Variants in CPNE7 observed in about 807,000 individuals in gnomAD.
CPNE7 encodes copine 7.
Under a neutral mutation model 66.5 loss-of-function variants are expected in CPNE7, and 78 were observed. The observed-to-expected ratio is 1.17, with a 90% CI of 0.98 to 1.42. CPNE7 has a LOEUF of 1.42. Among genes scored for constraint, CPNE7 ranks in the 40% most tolerant of loss-of-function variants. CPNE7 has a pLI of 0.00. For missense variants in CPNE7, 1,012 were observed against 776.6 expected (o/e 1.30, Z -3.60); for synonymous variants, 468 against 336.7 (o/e 1.39, Z -4.27).
At position 89,595,363 on chromosome 16, in the gene CPNE7, C is replaced by T; in HGVS notation, c.1303-4C>T. The T allele has an allele frequency of 1.3e-6, 2 of 1,557,888 alleles. No individual in the cohort carries two copies. The highest frequency in any genetic ancestry group is 8.7e-7 in the Non-Finnish European group (1 of 1,146,326). On this transcript the variant is annotated splice_region_variant and splice_polypyrimidine_tract_variant and intron_variant, in intron 13 of 14. Coordinates refer to ENST00000319518, the MANE Select transcript of CPNE7 (RefSeq NM_153636.3). ...TGTTGCTGATGCCTTTCCTGTGCCCCCAGCAATACTACATCCTGCTGATCC... is the reference window on the plus strand; with the variant it reads ...TGTTGCTGATGCCTTTCCTGTGCCCTCAGCAATACTACATCCTGCTGATCC...
chr16:89,589,099 C>G (rs2059131345), intron 10 of CPNE7, among the ~76,000 whole-genome samples: 1 of 152,226 alleles, frequency 6.6e-6, no homozygotes, highest in African/African-American at 2.4e-5. Flanking sequence ...TGAGACCAGC[C>G]TGGCCAACAT....
At position 89,585,460 on chromosome 16, in the gene CPNE7, A is replaced by G. The variant is rs774439934; in HGVS notation, c.592-4A>G. The stretch of plus-strand genomic sequence containing the variant: ...CCCCTGAGCCAGCCCCTCCCGGCCC[A>G]CAGGTGGTGAAGAACAACCTGAACC... On this transcript the variant is annotated splice_polypyrimidine_tract_variant and splice_region_variant and intron_variant, in intron 5 of 14. Transcript: ENST00000319518. The G allele has an allele frequency of 3.7e-6, 6 of 1,609,198 alleles. No individual in the cohort carries two copies. The South Asian group carries it at 4.4e-5, about 12-fold the overall frequency.
In CPNE7 at chr16:89,577,659, C is replaced by T. The variant is rs746189263; in HGVS notation, c.295C>T (p.Pro99Ser). The T allele has an allele frequency of 6.3e-7, 1 of 1,597,212 alleles. No homozygotes were observed. The highest frequency in any genetic ancestry group is 1.3e-5 in the African/African-American group (1 of 74,820). The change falls in exon 2 of 15, where the codon CCC becomes TCC. Residue 99 changes from proline to serine, a missense_variant. Coordinates refer to ENST00000319518, the MANE Select transcript of CPNE7 (RefSeq NM_153636.3). The part of the protein sequence containing the change: ...LRFEVYDTHG[P>S]SGFSCQEDDF... ...CTTTGAGGTGTACGACACGCATGGG[C>T]CCAGCGGCTTCAGCTGTCAGGAGGA...
rs1469839746 is a variant in CPNE7, at chr16:89,588,158, CCGTGTCACCCG to C, written c.928-506_928-496del. ...CGTGTCACCCACAGATACACGGCCC[CCGTGTCACCCG>C]CGTGTCACCCACAGATACACGGCCC... On this transcript the variant is annotated intron_variant, in intron 9 of 14. Transcript: ENST00000319518. Among the ~76,000 whole-genome samples, 186 of 98,416 alleles carry C rather than the reference CCGTGTCACCCG, an allele frequency of 1.9e-3. 14 individuals are homozygous for C. The highest frequency in any genetic ancestry group is 8.3e-3 in the South Asian group (20 of 2,412). The allele number at this position is 98,416 out of a possible 152,430, so 64.6% of individuals were successfully genotyped here.
intron 8 of CPNE7, 58 bp from the exon 9 acceptor site, chr16:89,586,985 G>A: frequency 6.6e-7 from 1 of 1,514,534 alleles, no homozygotes; most frequent in South Asian, 1.2e-5. Context: ...CTGGATCCCA[G>A]CTGGCACTGG....
At chr16:89,587,508 G>GAGGTGA (rs1439285043) in intron 9 of CPNE7, 1 of 451,724 alleles carries the variant, frequency 2.2e-6, no homozygotes, top group Admixed American at 2.4e-5. Context: ...CCCGCCTTGG[G>GAGGTGA]AGGTGACATC....
At chr16:89,589,763 C>G (rs2059141088) in intron 10 of CPNE7, 134 bp from the exon 11 acceptor site, 1 of 875,632 alleles carries the variant, frequency 1.1e-6, no homozygotes, top group Non-Finnish European at 1.8e-6. Flanking sequence ...CCACCTCTGG[C>G]AGGTGCTTAC....
chr16:89,596,734 C>T lies in CPNE7; in HGVS notation c.*113C>T, dbSNP rs1048687411. The T allele has an allele frequency of 8.2e-7, 1 of 1,223,416 alleles. No individual in the cohort carries two copies. The highest frequency in any genetic ancestry group is 1.1e-6 in the Non-Finnish European group (1 of 937,222). 75.8% of individuals were successfully genotyped at this position (1,223,416 alleles called of 1,614,324 possible). On this transcript the variant is annotated 3_prime_UTR_variant, in exon 15 of 15. Transcript: ENST00000319518. The stretch of plus-strand genomic sequence containing the variant: ...CCGACCTCCCAGAAGCCTCCAGTCC[C>T]CACCAGGCCCCACTCCCAGTCCTCC...
At chr16:89,580,500 C>T (rs1489107423) in intron 2 of CPNE7, among the ~76,000 whole-genome samples, 3 of 137,788 alleles carry the variant, frequency 2.2e-5, no homozygotes, top group African/African-American at 5.3e-5. Context: ...CCCGCTGACA[C>T]AGAACATCTC....
Position 89,584,925 on chromosome 16 carries a change from C to A in CPNE7, c.591+68C>A. 7.2e-7 allele frequency: 1 copy of A among 1,387,366 alleles called. No homozygotes were observed. The highest frequency in any genetic ancestry group is 1.2e-5 in the South Asian group (1 of 84,920). 85.9% of individuals were successfully genotyped at this position (1,387,366 alleles called of 1,614,324 possible). On this transcript the variant is annotated intron_variant, in intron 5 of 14. Coordinates refer to ENST00000319518, the MANE Select transcript of CPNE7 (RefSeq NM_153636.3). The surrounding 1 kb of genome is among the most constrained non-coding windows in gnomAD (Gnocchi z 6.0). Reference sequence around the variant, plus strand: ...TCCCCAGCCCTCACGCATCTCTGGCCACATGGGAGGAGCTCCCAGCCTCCA... The same window carrying A: ...TCCCCAGCCCTCACGCATCTCTGGCAACATGGGAGGAGCTCCCAGCCTCCA...
At chr16:89,581,924 CATG>C (rs2058964432) in intron 2 of CPNE7, among the ~76,000 whole-genome samples, 1 of 152,238 alleles carries the variant, frequency 6.6e-6, no homozygotes, top group Non-Finnish European at 1.5e-5. Context: ...GGATTATAGG[CATG>C]AGCCACTGTG....
At chr16:89,594,330 A>T (rs930246316) in intron 13 of CPNE7, among the ~76,000 whole-genome samples, 4 of 152,124 alleles carry the variant, frequency 2.6e-5, no homozygotes, top group African/African-American at 9.7e-5. Flanking sequence ...CTGCCTTGCA[A>T]ACAGGTAATT....
chr16:89,583,000 G>A (rs1387321774), intron 2 of CPNE7, among the ~76,000 whole-genome samples: 1 of 152,234 alleles, frequency 6.6e-6, no homozygotes, highest in Non-Finnish European at 1.5e-5. Context: ...TGACCTGGCT[G>A]CAGGGGCCTG....
chr16:89,595,957 C>T (rs1463048106), intron 14 of CPNE7: 10 of 519,496 alleles, frequency 1.9e-5, no homozygotes, highest in African/African-American at 5.7e-5. Flanking sequence ...ACACACAGCA[C>T]ACACGTGAGG....
At position 89,584,006 on chromosome 16, in the gene CPNE7, A is replaced by C; in HGVS notation, c.433-22A>C. 1 of 1,609,606 alleles carries C rather than the reference A, an allele frequency of 6.2e-7. No homozygotes were observed. The highest frequency in any genetic ancestry group is 8.5e-7 in the Non-Finnish European group (1 of 1,178,732). The stretch of plus-strand genomic sequence containing the variant: ...TCAGGCCCCACCTGGCCAAGCCTGG[A>C]GCCCGGGCGTCCCCCTGCCAGGTGA... On this transcript the variant is annotated intron_variant, in intron 3 of 14. Coordinates refer to ENST00000319518, the MANE Select transcript of CPNE7 (RefSeq NM_153636.3). This position sits in a 1 kb window ranked among gnomAD's most constrained non-coding sequence, Gnocchi z 6.0.
At chr16:89,582,347 G>C (rs1389391738) in intron 2 of CPNE7, among the ~76,000 whole-genome samples, 1 of 152,252 alleles carries the variant, frequency 6.6e-6, no homozygotes, top group African/African-American at 2.4e-5. Context: ...GCACAAATCA[G>C]CGATCTCGTA....
At chr16:89,594,971 G>A (rs184831109) in intron 13 of CPNE7, among the ~76,000 whole-genome samples, 6 of 152,148 alleles carry the variant, frequency 3.9e-5, no homozygotes, top group Non-Finnish European at 7.4e-5. Flanking sequence ...TCTTGTGGCA[G>A]CACAGCGGGC....
At chr16:89,593,600 C>A (rs943009342) in intron 13 of CPNE7, among the ~76,000 whole-genome samples, 35 of 152,288 alleles carry the variant, frequency 2.3e-4, no homozygotes, top group Non-Finnish European at 3.8e-4. Flanking sequence ...GATCCGCCCA[C>A]CTCGGCCTCC....
At chr16:89,579,016 C>T (rs780901748) in intron 2 of CPNE7, 4 of 1,567,060 alleles carry the variant, frequency 2.6e-6, no homozygotes, top group Admixed American at 1.8e-5. Flanking sequence ...ACAGGCCGGG[C>T]ACGGTGGCTC....
Sources: allele counts gnomAD v4.1 joint callset (sites outside exome capture counted in the v4.1 genomes callset), GRCh38; gene constraint gnomAD v4.1.1; non-coding constraint Gnocchi (gnomAD v3.1); transcripts MANE v1.5; gene names NCBI Gene and HGNC (gene_info 2026-07-23, HGNC 2026-07-21).